The following DIAPH3 variants were observed in gnomAD, a reference collection of about 807,000 sequenced individuals.
DIAPH3 encodes the protein diaphanous related formin 3, also known as protein diaphanous homolog 3.
DIAPH3 carries 117 observed loss-of-function variants against 144.3 expected under a neutral mutation model. The observed-to-expected ratio is 0.81, with a 90% CI of 0.70 to 0.95. The LOEUF (loss-of-function observed/expected upper bound fraction) is 0.95, where lower values mean the gene tolerates loss of function less well. Among genes scored for constraint, DIAPH3 ranks in the 40% least tolerant of loss-of-function variants. DIAPH3 has a pLI of 0.00. For missense variants in DIAPH3, 1,421 were observed against 1,412.7 expected (o/e 1.01, Z -0.09); for synonymous variants, 519 against 488.9 (o/e 1.06, Z -0.81).
intron 9 of DIAPH3, among the ~76,000 whole-genome samples, chr13:59,993,284 C>G (rs1231093226): frequency 6.6e-6 from 1 of 151,744 alleles, no homozygotes; most frequent in Admixed American, 6.6e-5. Flanking sequence ...CCACTTTTTT[C>G]ATCCCTGGCT....
At chr13:59,674,684 T>C (rs1342077677) in intron 27 of DIAPH3, among the ~76,000 whole-genome samples, 2 of 152,194 alleles carry the variant, frequency 1.3e-5, no homozygotes, top group African/African-American at 4.8e-5. Flanking sequence ...GTATCCACCA[T>C]GGCCTCCCTA....
chr13:60,042,834 C>A lies in DIAPH3; in HGVS notation c.496-14G>T. On this transcript the variant is annotated splice_polypyrimidine_tract_variant and intron_variant, in intron 4 of 27. Coordinates refer to ENST00000400324, the MANE Select transcript of DIAPH3 (RefSeq NM_001042517.2). ...CTTAAGACTTCCCTATAAAATAAGT[C>A]AAAAAATGTTTTGATTAATACTGCA... 12 of 1,612,046 alleles carry A rather than the reference C, an allele frequency of 7.4e-6. No homozygotes were observed. Among genetic ancestry groups the A allele is most frequent in the South Asian group, 4.4e-5 (4 of 90,946 alleles).
intron 1 of DIAPH3, among the ~76,000 whole-genome samples, chr13:60,136,316 A>C (rs1454419044): frequency 6.6e-6 from 1 of 152,166 alleles, no homozygotes; most frequent in Non-Finnish European, 1.5e-5. Context: ...TCAGGAAAAT[A>C]GTTAACTGCA....
intron 17 of DIAPH3, 73 bp from the exon 18 acceptor site, chr13:59,924,943 T>C: frequency 6.6e-7 from 1 of 1,525,772 alleles, no homozygotes; most frequent in Non-Finnish European, 8.9e-7. Context: ...AGTGAACTTT[T>C]TATCATTAAA....
At chr13:59,779,648 A>G (rs2038629232) in intron 25 of DIAPH3, among the ~76,000 whole-genome samples, 2 of 151,672 alleles carry the variant, frequency 1.3e-5, no homozygotes, top group Admixed American at 6.6e-5. Context: ...AGTAGCTGGG[A>G]TTACAGGCGT....
chr13:59,987,216 A>T (rs915875242), intron 12 of DIAPH3, among the ~76,000 whole-genome samples: 14 of 151,976 alleles, frequency 9.2e-5, no homozygotes, highest in African/African-American at 3.4e-4. Context: ...TCAGTAAACT[A>T]TCGCAAGAAC....
At chr13:59,778,869 G>A (rs958372506) in intron 25 of DIAPH3, among the ~76,000 whole-genome samples, 1 of 152,140 alleles carries the variant, frequency 6.6e-6, no homozygotes, top group African/African-American at 2.4e-5. Flanking sequence ...CGGTCACAAA[G>A]TTTCAATATA....
intron 20 of DIAPH3, among the ~76,000 whole-genome samples, chr13:59,896,204 C>A (rs1181271493): frequency 1.3e-5 from 2 of 152,130 alleles, no homozygotes; most frequent in Non-Finnish European, 2.9e-5. Flanking sequence ...TCTTATAACC[C>A]TGAGGAGCTA....
intron 27 of DIAPH3, among the ~76,000 whole-genome samples, chr13:59,714,533 T>A (rs553861553): frequency 1.3e-5 from 2 of 152,322 alleles, no homozygotes; most frequent in African/African-American, 4.8e-5. Context: ...AGACCATGTC[T>A]AAGTTAGAAA....
chr13:59,684,880 A>G lies in DIAPH3; in HGVS notation c.3320-18034T>C, dbSNP rs2033135743. Among the ~76,000 whole-genome samples the G allele has an allele frequency of 2.6e-5, 4 of 152,186 alleles. No individual in the cohort carries two copies. In the South Asian group the frequency reaches 8.3e-4, roughly 31 times the overall value. Reference sequence around the variant, plus strand: ...TAGTATCGTTAAATTCCTGGTTACAATGATAAATCCTATGATGTGTATTTA... The same window carrying G: ...TAGTATCGTTAAATTCCTGGTTACAGTGATAAATCCTATGATGTGTATTTA... On this transcript the variant is annotated intron_variant, in intron 27 of 27. Coordinates refer to ENST00000400324, the MANE Select transcript of DIAPH3 (RefSeq NM_001042517.2).
intron 17 of DIAPH3, among the ~76,000 whole-genome samples, chr13:59,964,231 T>C (rs942400862): frequency 1.3e-5 from 2 of 152,082 alleles, no homozygotes; most frequent in African/African-American, 4.8e-5. Context: ...CAACTTGTAA[T>C]ATGGAAAAGC....
At chr13:60,133,126 A>G in intron 1 of DIAPH3, 137 bp from the exon 2 acceptor site, 1 of 618,494 alleles carries the variant, frequency 1.6e-6, no homozygotes, top group Non-Finnish European at 2.8e-6. Context: ...AACACATTAT[A>G]TATAATCGTT....
intron 17 of DIAPH3, 125 bp downstream of exon 17, chr13:59,969,819 C>A: frequency 5.6e-6 from 3 of 539,012 alleles, no homozygotes; most frequent in South Asian, 5.6e-5. Flanking sequence ...TTTATTTGCC[C>A]ATTAGGAATG....
At chr13:59,707,985 TAA>T (rs34813239) in intron 27 of DIAPH3, among the ~76,000 whole-genome samples, 1 of 142,710 alleles carries the variant, frequency 7.0e-6, no homozygotes, top group African/African-American at 2.5e-5. Context: ...CTCTCATCTT[TAA>T]AAAAAAAAAA....
intron 4 of DIAPH3, among the ~76,000 whole-genome samples, chr13:60,066,454 A>G (rs1484861687): frequency 3.9e-5 from 6 of 152,182 alleles, no homozygotes; most frequent in Non-Finnish European, 7.4e-5. Flanking sequence ...TCAGTAACGC[A>G]AAAACAGTCT....
intron 2 of DIAPH3, among the ~76,000 whole-genome samples, chr13:60,115,647 C>T (rs1009684031): frequency 5.9e-5 from 9 of 151,980 alleles, no homozygotes; most frequent in Non-Finnish European, 1.2e-4. Context: ...TTTGTATGAA[C>T]TAAAGTCAAT....
rs568968354 is a variant in DIAPH3 at position 59,943,343 on chromosome 13, G to A, written c.2075-18473C>T. Among the ~76,000 whole-genome samples, 6 of 152,196 alleles carry A rather than the reference G, an allele frequency of 3.9e-5. No individual in the cohort carries two copies. The East Asian group carries it at 7.7e-4, about 20-fold the overall frequency. On this transcript the variant is annotated intron_variant, in intron 17 of 27. Coordinates refer to ENST00000400324, the MANE Select transcript of DIAPH3 (RefSeq NM_001042517.2). ...AGTGGTAGATTCAAGACAAGAAATC[G>A]GCTTCCTGCTTCTAGACCACTGTTA...
intron 20 of DIAPH3, among the ~76,000 whole-genome samples, chr13:59,904,924 A>C (rs954736412): frequency 2.0e-5 from 3 of 152,132 alleles, no homozygotes; most frequent in Non-Finnish European, 1.5e-5. Flanking sequence ...ATACATAATA[A>C]CTGCTTCGAT....
intron 24 of DIAPH3, among the ~76,000 whole-genome samples, chr13:59,822,550 C>T (rs894649726): frequency 1.4e-4 from 22 of 152,206 alleles, no homozygotes; most frequent in African/African-American, 5.1e-4. Flanking sequence ...AAGCGATTCC[C>T]CTGCCTCAGC....
Sources: allele counts gnomAD v4.1 joint callset (sites outside exome capture counted in the v4.1 genomes callset), GRCh38; gene constraint gnomAD v4.1.1; transcripts MANE v1.5; gene names NCBI Gene and HGNC (gene_info 2026-07-23, HGNC 2026-07-21).